FBXW8: variants seen among roughly 807,000 people sequenced by gnomAD.
FBXW8 encodes the protein F-box and WD repeat domain containing 8.
Under a neutral mutation model 65.3 loss-of-function variants are expected in FBXW8, and 57 were observed. The ratio of observed to expected loss-of-function variants is 0.87; its 90% CI spans 0.71 to 1.09. The LOEUF is 1.09. Among genes scored for constraint, FBXW8 ranks in the 50% least tolerant of loss-of-function variants. The pLI is 0.00. For missense variants in FBXW8, 777 were observed against 814.8 expected, an observed-to-expected ratio of 0.95 and a Z score of 0.57; for synonymous variants, 308 against 330.2, an observed-to-expected ratio of 0.93 and a Z score of 0.73.
intron 7 of FBXW8, among the ~76,000 whole-genome samples, chr12:117,008,334 G>T (rs1056729259): frequency 3.3e-5 from 5 of 152,118 alleles, no homozygotes; most frequent in Non-Finnish European, 5.9e-5. Context: ...TCCAGGTGCC[G>T]ATTTTATATA....
intron 5 of FBXW8, among the ~76,000 whole-genome samples, chr12:116,967,446 C>T (rs1274789166): frequency 1.3e-5 from 2 of 152,208 alleles, no homozygotes; most frequent in African/African-American, 4.8e-5. Context: ...TGGCTGCAGG[C>T]TTTGGCTGCT....
intron 7 of FBXW8, among the ~76,000 whole-genome samples, chr12:116,991,320 T>C (rs1953234366): frequency 6.6e-6 from 1 of 152,228 alleles, no homozygotes; most frequent in Non-Finnish European, 1.5e-5. Context: ...CATCTGATTG[T>C]GCTTAATGGA....
intron 1 of FBXW8, among the ~76,000 whole-genome samples, chr12:116,921,921 A>G (rs1449498286): frequency 7.0e-6 from 1 of 142,916 alleles, no homozygotes; most frequent in African/African-American, 2.6e-5. Context: ...TTGACCTCCC[A>G]TACTCAAGCT....
At chr12:116,947,772 TGAAAG>T (rs1378962370) in intron 3 of FBXW8, among the ~76,000 whole-genome samples, 1 of 131,134 alleles carries the variant, frequency 7.6e-6, no homozygotes, top group Non-Finnish European at 1.7e-5. Flanking sequence ...AAGAAAGAAA[TGAAAG>T]GCAGTGTTGG....
intron 7 of FBXW8, among the ~76,000 whole-genome samples, chr12:116,999,657 G>A (rs1032447897): frequency 4.6e-5 from 7 of 152,064 alleles, no homozygotes; most frequent in Non-Finnish European, 8.8e-5. Context: ...GCTGCGTGGC[G>A]AGGAGCATGG....
At position 116,979,198 on chromosome 12, in the gene FBXW8, C is replaced by T. The variant is rs548188570; in HGVS notation, c.836-6008C>T. The T allele has an allele frequency of 2.0e-5, 3 of 152,328 alleles. No individual in the cohort carries two copies. In the South Asian group the frequency reaches 6.2e-4, roughly 32 times the overall value. The allele number at this position is 152,328 out of a possible 1,614,324, so 9.4% of individuals were successfully genotyped here. On this transcript the variant is annotated intron_variant, in intron 5 of 10. Coordinates refer to ENST00000652555, the MANE Select transcript of FBXW8 (RefSeq NM_153348.3). ...CTTTCCAGATATCGAGTAATCTTTA[C>T]AAAAGCTAACATAAATCAGTTTAAA...
intron 2 of FBXW8, among the ~76,000 whole-genome samples, chr12:116,935,585 G>A (rs1027979816): frequency 1.2e-4 from 18 of 152,208 alleles, no homozygotes; most frequent in African/African-American, 4.3e-4. Context: ...TCATGTGATT[G>A]TTTTGGCTGC....
At chr12:116,924,057 T>C (rs1881126932) in intron 1 of FBXW8, among the ~76,000 whole-genome samples, 2 of 152,258 alleles carry the variant, frequency 1.3e-5, no homozygotes, top group Admixed American at 1.3e-4. Context: ...GATATTTTTA[T>C]AGTTTGACCA....
intron 3 of FBXW8, among the ~76,000 whole-genome samples, chr12:116,947,385 A>T (rs1488961123): frequency 6.6e-6 from 1 of 152,164 alleles, no homozygotes; most frequent in Non-Finnish European, 1.5e-5. Flanking sequence ...ATTTTAAATG[A>T]TGTATCTTTC....
chr12:117,020,158 TTAAC>T (rs373880041), intron 8 of FBXW8, among the ~76,000 whole-genome samples: 11 of 152,344 alleles, frequency 7.2e-5, no homozygotes, highest in African/African-American at 2.6e-4. Flanking sequence ...CATAATTGCT[TTAAC>T]TAGCACTCAG....
In FBXW8 at chr12:117,018,303, A is replaced by G. The variant is rs140785802; in HGVS notation, c.1368-5844A>G. On this transcript the variant is annotated intron_variant, in intron 8 of 10. Transcript: ENST00000652555. The stretch of plus-strand genomic sequence containing the variant: ...TTCAGACCAATTATTTTTCCTTTCA[A>G]TGGGCAAAGTTGATGAAATACTCGC... Among the ~76,000 whole-genome samples, 1,172 of 152,334 alleles carry G rather than the reference A, an allele frequency of 7.7e-3. 9 individuals carry two copies. Among genetic ancestry groups the G allele is most frequent in the Non-Finnish European group, 0.013 (891 of 68,026 alleles).
At chr12:116,935,336 C>G (rs982653251) in intron 2 of FBXW8, among the ~76,000 whole-genome samples, 1 of 152,070 alleles carries the variant, frequency 6.6e-6, no homozygotes, top group Non-Finnish European at 1.5e-5. Flanking sequence ...AACTAAAATC[C>G]AGGTGCTTAT....
intron 4 of FBXW8, among the ~76,000 whole-genome samples, chr12:116,955,039 G>GA (rs915721130): frequency 7.5e-5 from 11 of 146,198 alleles, no homozygotes; most frequent in Non-Finnish European, 1.4e-4. Context: ...CTTGAAATGG[G>GA]GGGGGGGGGC....
chr12:116,982,094 TA>T (rs1185363882), intron 5 of FBXW8, among the ~76,000 whole-genome samples: 1 of 151,222 alleles, frequency 6.6e-6, no homozygotes, highest in East Asian at 1.9e-4. Context: ...ATCCAAAAAA[TA>T]AAAAAGGCAA....
At chr12:117,021,629 G>T (rs984149768) in intron 8 of FBXW8, among the ~76,000 whole-genome samples, 1 of 151,706 alleles carries the variant, frequency 6.6e-6, no homozygotes, top group African/African-American at 2.4e-5. Context: ...CATTTTCTTT[G>T]ATTCTATTTA....
At position 116,988,762 on chromosome 12, in the gene FBXW8, A is replaced by AGGTT. The variant is rs1256190247; in HGVS notation, c.1133_1134insGTTG (p.Thr379LeufsTer41). ...CCTGCTCAAAGCCGAAGACTCCGCC[A>AGGTT]GAACCCTCCTTTACGCCCACGGCCC... On this transcript the variant is annotated frameshift_variant, in exon 7 of 11. Coordinates refer to ENST00000652555, the MANE Select transcript of FBXW8 (RefSeq NM_153348.3). LOFTEE classifies it high-confidence loss of function. The AGGTT allele has an allele frequency of 6.2e-7, 1 of 1,614,220 alleles. No homozygotes were observed. The highest frequency in any genetic ancestry group is 1.7e-5 in the Admixed American group (1 of 60,030).
At chr12:116,941,057 C>T (rs1882532046) in intron 2 of FBXW8, among the ~76,000 whole-genome samples, 1 of 152,196 alleles carries the variant, frequency 6.6e-6, no homozygotes, top group South Asian at 2.1e-4. Context: ...AAATAGATTT[C>T]TTCAAAAGGG....
chr12:116,966,389 CACAT>C lies in FBXW8; in HGVS notation c.835+1537_835+1540del, dbSNP rs1592898913. ...CCATTCACACACACGAACATGCACA[CACAT>C]ATTCTTCTACAGATGGGGAAACAGA... On this transcript the variant is annotated intron_variant, in intron 5 of 10. Transcript: ENST00000652555. Among the ~76,000 whole-genome samples the C allele has an allele frequency of 2.0e-5, 3 of 152,312 alleles. No individual in the cohort carries two copies. In the East Asian group the frequency reaches 5.8e-4, roughly 29 times the overall value.
intron 8 of FBXW8, among the ~76,000 whole-genome samples, chr12:117,016,889 AT>A (rs1420310775): frequency 1.3e-5 from 2 of 152,110 alleles, no homozygotes; most frequent in East Asian, 3.9e-4. Flanking sequence ...TGAAAAGACA[AT>A]TCTCTCCCCC....
Sources: gnomAD v4.1 joint callset for allele counts (sites outside exome capture counted in the v4.1 genomes callset) on GRCh38, gnomAD v4.1.1 for gene constraint, MANE v1.5 for transcripts, NCBI Gene and HGNC (gene_info 2026-07-23, HGNC 2026-07-21) for gene names.